CDH19: variants seen among roughly 807,000 people sequenced by gnomAD.
CDH19 encodes cadherin-19.
In CDH19, 67 loss-of-function variants were observed where a neutral mutation model predicts 64.2. That is an observed-to-expected ratio of 1.04 (90% CI 0.86 to 1.28). The LOEUF is 1.28. CDH19 is among the 50% of genes most tolerant of loss of function. CDH19 has a pLI of 0.00. For synonymous variants in CDH19, 346 were observed against 319.3 expected, an observed-to-expected ratio of 1.08 and a Z score of -0.89; for missense variants, 1,030 against 929.0, an observed-to-expected ratio of 1.11 and a Z score of -1.41.
chr18:66,595,652 C>T (rs760162869), intron 1 of CDH19, among the ~76,000 whole-genome samples: 21 of 151,654 alleles, frequency 1.4e-4, no homozygotes, highest in Non-Finnish European at 2.5e-4. Flanking sequence ...ATAGTGAGTT[C>T]CAAAATTGAA....
At position 66,504,719 on chromosome 18, in the gene CDH19, C is replaced by T. The variant is rs1199030622; in HGVS notation, c.*93G>A. On this transcript the variant is annotated 3_prime_UTR_variant, in exon 12 of 12. Transcript: ENST00000262150. Reference sequence around the variant, plus strand: ...AGAAAACTCCATAGACTAGGGCTTTCCCCGCCATAGAGCCAGGGCACAAAA... The same window carrying T: ...AGAAAACTCCATAGACTAGGGCTTTTCCCGCCATAGAGCCAGGGCACAAAA... The T allele has an allele frequency of 3.0e-6, 4 of 1,338,098 alleles. No homozygotes were observed. The African/African-American group carries it at 4.4e-5, about 15-fold the overall frequency. The allele number at this position is 1,338,098 out of a possible 1,614,324, so 82.9% of individuals were successfully genotyped here. A position where few individuals can be genotyped will look rare whatever the true frequency, so the allele number is the denominator to read the frequency against.
rs1206282178 is a variant in CDH19, at chr18:66,506,467, TA to T, written c.1829-1166del. ...TGTATCAATTATAAATACAATAAAA[TA>T]AAAAAAGACAAAAGTAGAAAGTTGG... is the stretch of plus-strand genomic sequence containing the variant. On this transcript the variant is annotated intron_variant, in intron 11 of 11. Transcript: ENST00000262150. Among the ~76,000 whole-genome samples, 8 of 151,918 alleles carry T rather than the reference TA, an allele frequency of 5.3e-5. No homozygotes were observed. In the East Asian group the frequency reaches 1.5e-3, roughly 29 times the overall value.
At chr18:66,562,540 C>A (rs544540610) in intron 3 of CDH19, among the ~76,000 whole-genome samples, 4 of 151,916 alleles carry the variant, frequency 2.6e-5, no homozygotes, top group African/African-American at 9.7e-5. Flanking sequence ...CTGTGCAGCC[C>A]GGTTCCTAAG....
intron 3 of CDH19, among the ~76,000 whole-genome samples, chr18:66,554,950 AT>A (rs1208812343): frequency 1.3e-5 from 2 of 151,846 alleles, no homozygotes; most frequent in African/African-American, 4.8e-5. Context: ...GTTGATAAAT[AT>A]TTACAAAGAT....
chr18:66,538,100 C>G lies in CDH19; in HGVS notation c.1215-2993G>C, dbSNP rs141834534. On this transcript the variant is annotated intron_variant, in intron 7 of 11. Transcript: ENST00000262150. Reference sequence around the variant, plus strand: ...ATACATGTAGAGTAACACTGCAATCCCTAAATAGTATCCATGTAAAAAATA... The same window carrying G: ...ATACATGTAGAGTAACACTGCAATCGCTAAATAGTATCCATGTAAAAAATA... Among the ~76,000 whole-genome samples the G allele has an allele frequency of 2.4e-3, 361 of 152,018 alleles. 5 individuals carry two copies. The South Asian group carries it at 0.026, about 11-fold the overall frequency.
intron 3 of CDH19, among the ~76,000 whole-genome samples, chr18:66,568,188 C>A (rs1987976447): frequency 6.6e-6 from 1 of 151,704 alleles, no homozygotes; most frequent in Non-Finnish European, 1.5e-5. Flanking sequence ...CATATCTAAA[C>A]TTCTTTTATT....
chr18:66,582,923 A>G (rs902247347), intron 1 of CDH19, among the ~76,000 whole-genome samples: 6 of 152,124 alleles, frequency 3.9e-5, no homozygotes, highest in Admixed American at 6.6e-5. Context: ...AAGTTCTAAA[A>G]TGAAAAGAGA....
chr18:66,599,210 C>T (rs546433997), intron 1 of CDH19, among the ~76,000 whole-genome samples: 1 of 151,840 alleles, frequency 6.6e-6, no homozygotes, highest in African/African-American at 2.4e-5. Flanking sequence ...TAGGTTAGCA[C>T]AATGTTTAAT....
At chr18:66,511,210 AAT>A (rs1334170820) in intron 10 of CDH19, among the ~76,000 whole-genome samples, 4 of 151,542 alleles carry the variant, frequency 2.6e-5, no homozygotes, top group Non-Finnish European at 5.9e-5. Flanking sequence ...AACTAAAATA[AAT>A]ATCATTTTCT....
chr18:66,546,215 A>G (rs902545440), intron 5 of CDH19, among the ~76,000 whole-genome samples: 26 of 152,266 alleles, frequency 1.7e-4, no homozygotes, highest in African/African-American at 5.8e-4. Flanking sequence ...TGCATTTGAG[A>G]CCTTACTTTT....
chr18:66,578,024 G>A (rs1011458047), intron 1 of CDH19, among the ~76,000 whole-genome samples: 6 of 151,692 alleles, frequency 4.0e-5, no homozygotes, highest in Non-Finnish European at 8.8e-5. Flanking sequence ...CCTTTATAAC[G>A]ACACTTATAA....
chr18:66,552,830 A>C (rs1176379704), intron 4 of CDH19, among the ~76,000 whole-genome samples: 1 of 133,878 alleles, frequency 7.5e-6, no homozygotes, highest in Non-Finnish European at 1.5e-5. Flanking sequence ...ATGGTCACGA[A>C]GGCCTGGTAT....
At chr18:66,538,808 C>T (rs1986777849) in intron 7 of CDH19, among the ~76,000 whole-genome samples, 1 of 152,008 alleles carries the variant, frequency 6.6e-6, no homozygotes, top group Admixed American at 6.6e-5. Flanking sequence ...GCTAGTCTTC[C>T]ACTTGTAGAC....
chr18:66,520,095 G>C (rs1385333910), intron 9 of CDH19, among the ~76,000 whole-genome samples: 1 of 152,104 alleles, frequency 6.6e-6, no homozygotes, highest in African/African-American at 2.4e-5. Context: ...TGAGGCAGGA[G>C]AATCGCTTGA....
chr18:66,568,551 C>T lies in CDH19; in HGVS notation c.355G>A (p.Val119Ile). The part of the protein sequence containing the change: ...ERSLYILRAQ[V>I]IDIATGRAVE... Reference sequence around the variant, plus strand: ...GCCCTTCCAGTAGCGATGTCTATTACCTGGGCTCTTAAGATGTAGAGGGAT... The same window carrying T: ...GCCCTTCCAGTAGCGATGTCTATTATCTGGGCTCTTAAGATGTAGAGGGAT... Residue 119 changes from valine (V) to isoleucine (I), a missense_variant, in exon 3 of 12, where the codon GTA becomes ATA. Val to Ile is a conservative substitution (Grantham distance 29). Coordinates refer to ENST00000262150, the MANE Select transcript of CDH19 (RefSeq NM_021153.4). The T allele has an allele frequency of 6.2e-7, 1 of 1,612,306 alleles. No homozygotes were observed. Among genetic ancestry groups the T allele is most frequent in the Non-Finnish European group, 8.5e-7 (1 of 1,178,968 alleles).
rs1419136702 is a variant in CDH19, at chr18:66,544,819, T to C, written c.860A>G (p.Glu287Gly). 3.1e-6 allele frequency: 5 copies of C among 1,611,942 alleles called. No homozygotes were observed. The South Asian group carries it at 4.4e-5, about 14-fold the overall frequency. Residue 287 changes from glutamate (E) to glycine (G), a missense_variant, in exon 6 of 12, where the codon GAG becomes GGG. By Grantham distance (98) the Glu-to-Gly change is moderately conservative (BLOSUM62 -2). Transcript: ENST00000262150. ...AATGCTGTAATCCATTTCTGCATTC[T>C]CTCCTATGTCATTATCATATGCCAT... ...TIMAYDNDIG[E>G]NAEMDYSIEE...
At chr18:66,571,422 T>A (rs1357615745) in intron 2 of CDH19, among the ~76,000 whole-genome samples, 1 of 151,742 alleles carries the variant, frequency 6.6e-6, no homozygotes, top group Admixed American at 6.6e-5. Context: ...ATCACCTTTG[T>A]TTAAAGAAAA....
At chr18:66,529,358 C>A (rs1036460558) in intron 9 of CDH19, among the ~76,000 whole-genome samples, 20 of 150,688 alleles carry the variant, frequency 1.3e-4, no homozygotes, top group African/African-American at 4.4e-4. Flanking sequence ...ATGTGACTAA[C>A]CTATAGAATT....
intron 9 of CDH19, among the ~76,000 whole-genome samples, chr18:66,517,279 A>T (rs1011722273): frequency 6.6e-6 from 1 of 152,136 alleles, no homozygotes; most frequent in Non-Finnish European, 1.5e-5. Flanking sequence ...AAATTTTTAC[A>T]TGGAGACAAG....
Sources: allele counts gnomAD v4.1 joint callset (sites outside exome capture counted in the v4.1 genomes callset), GRCh38; gene constraint gnomAD v4.1.1; transcripts MANE v1.5; gene names NCBI Gene and HGNC (gene_info 2026-07-23, HGNC 2026-07-21).